UNC5B: variants seen among roughly 807,000 people sequenced by gnomAD.
The protein encoded by UNC5B is unc-5 netrin receptor B.
UNC5B carries 56 observed loss-of-function variants against 103.7 expected under a neutral mutation model. The ratio of observed to expected loss-of-function variants is 0.54; its 90% CI spans 0.44 to 0.67. UNC5B has a LOEUF of 0.67. UNC5B is among the 30% of genes least tolerant of loss of function. The pLI, the probability that UNC5B is intolerant of heterozygous loss-of-function variation, is 0.00. For synonymous variants in UNC5B, 577 were observed against 542.0 expected, an observed-to-expected ratio of 1.06 and a Z score of -0.90; for missense variants, 1,194 against 1,284.5, an observed-to-expected ratio of 0.93 and a Z score of 1.08.
intron 1 of UNC5B, among the ~76,000 whole-genome samples, chr10:71,238,163 G>C (rs1266068714): frequency 6.6e-6 from 1 of 152,168 alleles, no homozygotes; most frequent in Non-Finnish European, 1.5e-5. Context: ...GCCCTGGGTG[G>C]AAAGCCCGTT....
chr10:71,280,343 A>G (rs1267968132), intron 2 of UNC5B, among the ~76,000 whole-genome samples: 1 of 152,042 alleles, frequency 6.6e-6, no homozygotes. Flanking sequence ...CTCCCTGTTT[A>G]ACAAAGAGGG....
chr10:71,227,717 C>A (rs920205198), intron 1 of UNC5B, among the ~76,000 whole-genome samples: 1 of 137,822 alleles, frequency 7.3e-6, no homozygotes. Context: ...TACACACACA[C>A]ACACACACAC....
At chr10:71,281,038 C>T (rs1403922949) in intron 2 of UNC5B, among the ~76,000 whole-genome samples, 3 of 151,910 alleles carry the variant, frequency 2.0e-5, no homozygotes, top group African/African-American at 7.3e-5. Context: ...GCCTGTTTTG[C>T]TTCTTTCTTT....
chr10:71,299,306 C>G lies in UNC5B; in HGVS notation c.*29C>G. 6.2e-7 allele frequency: 1 copy of G among 1,611,492 alleles called. No individual in the cohort carries two copies. ...TCCTGGGACAGCGGGCTGGCAGGGA[C>G]TGGCAGGAGGCAGGTGCAGGGAGGC... On this transcript the variant is annotated 3_prime_UTR_variant, in exon 17 of 17. Coordinates refer to ENST00000335350, the MANE Select transcript of UNC5B (RefSeq NM_170744.5).
Position 71,286,812 on chromosome 10 carries a change from G to A in UNC5B, c.676G>A (p.Val226Met), listed in dbSNP as rs199873525. 52 of 1,614,174 alleles carry A rather than the reference G, an allele frequency of 3.2e-5. No homozygotes were observed. The highest frequency in any genetic ancestry group is 1.1e-4 in the East Asian group (5 of 44,878). Residue 226 changes from valine to methionine, a missense_variant, in exon 5 of 17, where the codon GTG becomes ATG. Coordinates refer to ENST00000335350, the MANE Select transcript of UNC5B (RefSeq NM_170744.5). ...RLSDTANYTCVAKNIVAKRRS... is the reference protein window; with the variant it reads ...RLSDTANYTCMAKNIVAKRRS... Reference sequence around the variant, plus strand: ...GTCGGACACTGCCAACTATACCTGCGTGGCCAAGAACATCGTGGCCAAACG... The same window carrying A: ...GTCGGACACTGCCAACTATACCTGCATGGCCAAGAACATCGTGGCCAAACG...
At chr10:71,231,648 GT>G (rs113129554) in intron 1 of UNC5B, among the ~76,000 whole-genome samples, 71 of 146,976 alleles carry the variant, frequency 4.8e-4, no homozygotes, top group East Asian at 9.8e-4. Context: ...AATCTTAAGA[GT>G]TTTTTTTTTT....
At chr10:71,271,247 G>A (rs1328591985) in intron 1 of UNC5B, among the ~76,000 whole-genome samples, 1 of 152,228 alleles carries the variant, frequency 6.6e-6, no homozygotes, top group Admixed American at 6.5e-5. Context: ...CTTCTGCCTC[G>A]TTTTCGCATC....
intron 11 of UNC5B, among the ~76,000 whole-genome samples, chr10:71,292,974 T>A (rs950484937): frequency 6.6e-6 from 1 of 152,246 alleles, no homozygotes; most frequent in African/African-American, 2.4e-5. Context: ...CTGGGATTTT[T>A]AAATTATTAT....
Position 71,288,565 on chromosome 10 carries a change from C to T in UNC5B, c.902-3C>T. 6.2e-7 allele frequency: 1 copy of T among 1,611,524 alleles called. No individual in the cohort carries two copies. ...CATGCTCCTGTATGCCATGCTCTTA[C>T]AGTCGATGGGGCGTGGACGGAGTGG... On this transcript the variant is annotated splice_polypyrimidine_tract_variant and splice_region_variant and intron_variant, in intron 6 of 16. Coordinates refer to ENST00000335350, the MANE Select transcript of UNC5B (RefSeq NM_170744.5).
At position 71,273,770 on chromosome 10, in the gene UNC5B, C is replaced by A. The variant is rs530311216; in HGVS notation, c.80-6051C>A. Among the ~76,000 whole-genome samples the A allele has an allele frequency of 2.0e-5, 3 of 152,330 alleles. No homozygotes were observed. The East Asian group carries it at 5.8e-4, about 29-fold the overall frequency. ...AGGAAGAACATAGTGTGTTCCCTGC[C>A]CTCCAGGAGCAGCCACCAAAACTGC... is the stretch of plus-strand genomic sequence containing the variant. On this transcript the variant is annotated intron_variant, in intron 1 of 16. Coordinates refer to ENST00000335350, the MANE Select transcript of UNC5B (RefSeq NM_170744.5).
At chr10:71,297,431 C>T (rs374404582) in intron 15 of UNC5B, among the ~76,000 whole-genome samples, 1 of 152,164 alleles carries the variant, frequency 6.6e-6, no homozygotes, top group Non-Finnish European at 1.5e-5. Flanking sequence ...GTTAAAAATC[C>T]GGATTGAGAT....
chr10:71,239,746 C>T (rs1175431307), intron 1 of UNC5B, among the ~76,000 whole-genome samples: 1 of 152,174 alleles, frequency 6.6e-6, no homozygotes, highest in East Asian at 1.9e-4. Flanking sequence ...AGATTATAAG[C>T]AGAGCATATG....
At chr10:71,258,190 T>C (rs1272248384) in intron 1 of UNC5B, among the ~76,000 whole-genome samples, 1 of 152,188 alleles carries the variant, frequency 6.6e-6, no homozygotes, top group Non-Finnish European at 1.5e-5. Flanking sequence ...CGAGACTCTA[T>C]CCTGCGGATG....
At chr10:71,247,502 CT>C (rs959776850) in intron 1 of UNC5B, among the ~76,000 whole-genome samples, 3 of 152,246 alleles carry the variant, frequency 2.0e-5, no homozygotes, top group Admixed American at 6.5e-5. Context: ...TGAGGCCTCG[CT>C]GTTGGACAGG....
At chr10:71,257,320 G>A (rs1844313022) in intron 1 of UNC5B, among the ~76,000 whole-genome samples, 1 of 152,236 alleles carries the variant, frequency 6.6e-6, no homozygotes, top group African/African-American at 2.4e-5. Context: ...AAGGGTAAGT[G>A]GGAGGTAAGT....
chr10:71,272,485 G>A (rs901415522), intron 1 of UNC5B, among the ~76,000 whole-genome samples: 4 of 152,198 alleles, frequency 2.6e-5, no homozygotes, highest in East Asian at 3.8e-4. Flanking sequence ...AGGGCTGACC[G>A]GAAGTGGACC....
At chr10:71,254,986 C>T (rs1160570264) in intron 1 of UNC5B, among the ~76,000 whole-genome samples, 3 of 152,184 alleles carry the variant, frequency 2.0e-5, no homozygotes, top group Non-Finnish European at 4.4e-5. Flanking sequence ...CTTGCATATT[C>T]GTGTGTTTCC....
intron 1 of UNC5B, among the ~76,000 whole-genome samples, chr10:71,258,846 A>G (rs1425662567): frequency 6.6e-6 from 1 of 152,114 alleles, no homozygotes; most frequent in Non-Finnish European, 1.5e-5. Context: ...ATGGGTAAAG[A>G]CCCTCCTGCT....
chr10:71,266,266 C>T (rs187522749), intron 1 of UNC5B, among the ~76,000 whole-genome samples: 11 of 152,122 alleles, frequency 7.2e-5, no homozygotes, highest in Admixed American at 1.3e-4. Context: ...GCAGGTCCCA[C>T]GCACTCCAGA....
Sources: gnomAD v4.1 joint callset for allele counts (sites outside exome capture counted in the v4.1 genomes callset) on GRCh38, gnomAD v4.1.1 for gene constraint, MANE v1.5 for transcripts, NCBI Gene and HGNC (gene_info 2026-07-23, HGNC 2026-07-21) for gene names.